H2BW2: variants seen among roughly 807,000 people sequenced by gnomAD.
The protein encoded by H2BW2 is H2B.W histone 2.
H2BW2 carries 8 observed loss-of-function variants against 9.2 expected under a neutral mutation model. The observed-to-expected ratio is 0.87, with a 90% CI of 0.51 to 1.57. The LOEUF is 1.57. H2BW2 is among the 40% of genes most tolerant of loss of function. The pLI is 0.00. For synonymous variants in H2BW2, 80 were observed against 56.8 expected, an observed-to-expected ratio of 1.41 and a Z score of -1.84; for missense variants, 193 against 137.3, an observed-to-expected ratio of 1.41 and a Z score of -2.03.
Position 104,040,871 on chromosome X carries a change from T to A in H2BW2, c.*7T>A. 8.7e-7 allele frequency: 1 copy of A among 1,144,524 alleles called. No homozygotes were observed. The highest frequency in any genetic ancestry group is 1.2e-6 in the Non-Finnish European group (1 of 834,878). 94.3% of individuals were successfully genotyped at this position (1,144,524 alleles called of 1,213,427 possible). A position where few individuals can be genotyped will look rare whatever the true frequency, so the allele number is the denominator to read the frequency against. ...ATGGCAACAGAGAAAGTGAATATGC[T>A]GATACAAGAAGCAAGGTAACCCTCC... On this transcript the variant is annotated 3_prime_UTR_variant, in exon 2 of 4. Transcript: ENST00000675318.
At chrX:104,041,844 A>C (rs1288166832) in intron 3 of H2BW2, 1 of 112,526 alleles carries the variant, frequency 8.9e-6, no homozygotes, top group Non-Finnish European at 1.9e-5. Flanking sequence ...AATGACAAAA[A>C]TCAAAATTTT....
chrX:104,039,983 G>T lies in H2BW2; in HGVS notation c.-12G>T. On this transcript the variant is annotated 5_prime_UTR_variant, in exon 1 of 4. Coordinates refer to ENST00000675318, the MANE Select transcript of H2BW2 (RefSeq NM_001388464.1). ...TCTCTGTTCTTGCTATCTAATGGCC[G>T]CTGCTTCCGCCATGGCTGAGGCTTC... 8.7e-7 allele frequency: 1 copy of T among 1,151,185 alleles called. No individual in the cohort carries two copies. Among genetic ancestry groups the T allele is most frequent in the Non-Finnish European group, 1.2e-6 (1 of 865,897 alleles). 94.9% of individuals were successfully genotyped at this position (1,151,185 alleles called of 1,213,427 possible).
rs1196602776 is a variant in H2BW2 at position 104,039,999 on chromosome X, C to T, written c.5C>T (p.Ala2Val). The T allele has an allele frequency of 3.5e-6, 4 of 1,158,979 alleles. No homozygotes were observed. The highest frequency in any genetic ancestry group is 3.4e-6 in the Non-Finnish European group (3 of 869,770). Residue 2 changes from alanine to valine, a missense_variant, in exon 1 of 4, where the codon GCT (alanine) becomes GTT (valine). Physicochemically the swap from Ala to Val is moderately conservative, Grantham distance 64 (BLOSUM62 0). Coordinates refer to ENST00000675318, the MANE Select transcript of H2BW2 (RefSeq NM_001388464.1). ...CTAATGGCCGCTGCTTCCGCCATGG[C>T]TGAGGCTTCCTCTGAGACAACCTCG... is the stretch of plus-strand genomic sequence containing the variant. M[A>V]EASSETTSEE...
intron 3 of H2BW2, chrX:104,041,780 A>G (rs1248941173): frequency 8.9e-6 from 1 of 112,573 alleles, no homozygotes; most frequent in Non-Finnish European, 1.9e-5. Flanking sequence ...CTTCATATGT[A>G]GAAACCAGTA....
intron 3 of H2BW2, chrX:104,041,607 C>T (rs2075204859): frequency 8.9e-6 from 1 of 111,790 alleles, no homozygotes; most frequent in Admixed American, 9.5e-5. Flanking sequence ...CATTGCTTTC[C>T]TTTTCCATTG....
At position 104,040,271 on chromosome X, in the gene H2BW2, G is replaced by C. The variant is rs781795208; in HGVS notation, c.277G>C (p.Glu93Gln). 4.2e-6 allele frequency: 5 copies of C among 1,196,230 alleles called. No individual in the cohort carries two copies. In the Admixed American group the frequency reaches 1.1e-4, roughly 27 times the overall value. The change falls in exon 1 of 4, where the codon GAG becomes CAG. Residue 93 changes from glutamate (E) to glutamine (Q), a missense_variant. Coordinates refer to ENST00000675318, the MANE Select transcript of H2BW2 (RefSeq NM_001388464.1). ...TGACATATTGGACCGCATCGCCACC[G>C]AGGCTGGTCAGCTGGCCCATTACAC... ...IHDILDRIATEAGQLAHYTKR... is the reference protein window; with the variant it reads ...IHDILDRIATQAGQLAHYTKR...
chrX:104,040,798 C>A, intron 1 of H2BW2, 30 bp from the exon 2 acceptor site: 1 of 654,148 alleles, frequency 1.5e-6, no homozygotes, highest in Non-Finnish European at 2.6e-6. Context: ...CACTCTCATT[C>A]TCCTACGACT....
Position 104,039,993 on chromosome X carries a change from C to G in H2BW2, c.-2C>G. 8.6e-7 allele frequency: 1 copy of G among 1,158,837 alleles called. No individual in the cohort carries two copies. The highest frequency in any genetic ancestry group is 2.0e-5 in the South Asian group (1 of 50,701). On this transcript the variant is annotated 5_prime_UTR_variant, in exon 1 of 4. Coordinates refer to ENST00000675318, the MANE Select transcript of H2BW2 (RefSeq NM_001388464.1). Reference sequence around the variant, plus strand: ...TGCTATCTAATGGCCGCTGCTTCCGCCATGGCTGAGGCTTCCTCTGAGACA... The same window carrying G: ...TGCTATCTAATGGCCGCTGCTTCCGGCATGGCTGAGGCTTCCTCTGAGACA...
At position 104,040,277 on chromosome X, in the gene H2BW2, G is replaced by A. The variant is rs782095838; in HGVS notation, c.283G>A (p.Gly95Ser). The A allele has an allele frequency of 3.3e-5, 40 of 1,194,735 alleles. No individual in the cohort carries two copies. Among genetic ancestry groups the A allele is most frequent in the Non-Finnish European group, 4.2e-5 (37 of 887,513 alleles). ...DILDRIATEA[G>S]QLAHYTKRVT... Reference sequence around the variant, plus strand: ...ATTGGACCGCATCGCCACCGAGGCTGGTCAGCTGGCCCATTACACCAAGCG... The same window carrying A: ...ATTGGACCGCATCGCCACCGAGGCTAGTCAGCTGGCCCATTACACCAAGCG... The change falls in exon 1 of 4, where the codon GGT becomes AGT. Residue 95 changes from glycine to serine, a missense_variant. Transcript: ENST00000675318.
At chrX:104,042,008 G>A (rs1433820258) in intron 3 of H2BW2, 104 bp from the exon 4 acceptor site, 1 of 112,052 alleles carries the variant, frequency 8.9e-6, no homozygotes, top group Non-Finnish European at 1.9e-5. Flanking sequence ...GTGCAGATGG[G>A]AAGAGGGGAA....
At chrX:104,041,221 G>C (rs1201440688) in intron 3 of H2BW2, 115 bp downstream of exon 3, 3 of 193,517 alleles carry the variant, frequency 1.6e-5, no homozygotes, top group African/African-American at 6.0e-5. Flanking sequence ...ACCCAATGTG[G>C]GGGGAGTGAC....
In H2BW2 at chrX:104,040,373, G is replaced by A. The variant is rs1602466933; in HGVS notation, c.379G>A (p.Ala127Thr). Residue 127 changes from alanine (A) to threonine (T), a missense_variant, in exon 1 of 4, where the codon GCC becomes ACC. Ala to Thr is a moderately conservative substitution (Grantham distance 58). Transcript: ENST00000675318. The stretch of plus-strand genomic sequence containing the variant: ...GCTGCCGGGGAAGATGGGCAAGCTC[G>A]CCGAGGCCCAGGGCACGAATGCCGC... ...LLLPGKMGKL[A>T]EAQGTNAALR... 3.4e-6 allele frequency: 4 copies of A among 1,169,481 alleles called. No individual in the cohort carries two copies. In the East Asian group the frequency reaches 9.4e-5, roughly 27 times the overall value.
At position 104,040,145 on chromosome X, in the gene H2BW2, G is replaced by C; in HGVS notation, c.151G>C (p.Gly51Arg). 8.5e-7 allele frequency: 1 copy of C among 1,181,790 alleles called. No individual in the cohort carries two copies. The highest frequency in any genetic ancestry group is 1.8e-5 in the African/African-American group (1 of 56,099). Residue 51 changes from glycine to arginine, a missense_variant, in exon 1 of 4, where the codon GGG (glycine) becomes CGG (arginine). By Grantham distance (125) the Gly-to-Arg change is moderately radical. Transcript: ENST00000675318. ...CGCCAACCGCCGTGGGGACAGCTTC[G>C]GGGACAGCTTCACCCCCTATTTCCC... ...RHANRRGDSF[G>R]DSFTPYFPRV...
At chrX:104,040,637 T>C (rs1433678390) in intron 1 of H2BW2, among the ~76,000 whole-genome samples, 191 bp from the exon 2 acceptor site, 4 of 112,394 alleles carry the variant, frequency 3.6e-5, no homozygotes, top group African/African-American at 1.3e-4. Context: ...AACTCCAATA[T>C]ATCTGTAGTG....
At position 104,042,273 on chromosome X, in the gene H2BW2, C is replaced by G. The variant is rs1556344811; in HGVS notation, c.*203C>G. The G allele has an allele frequency of 8.9e-6, 1 of 112,274 alleles. No homozygotes were observed. The highest frequency in any genetic ancestry group is 3.2e-5 in the African/African-American group (1 of 30,851). The allele number at this position is 112,274 out of a possible 1,213,427, so 9.3% of individuals were successfully genotyped here. ...AATGTTCCTACAAGTCCGGAACAAC[C>G]CTTGCCAAACCAAAGACCCTTGCCA... is the stretch of plus-strand genomic sequence containing the variant. On this transcript the variant is annotated 3_prime_UTR_variant, in exon 4 of 4. Coordinates refer to ENST00000675318, the MANE Select transcript of H2BW2 (RefSeq NM_001388464.1).
Position 104,040,111 on chromosome X carries a change from C to T in H2BW2, c.117C>T (p.Arg39=), listed in dbSNP as rs782479838. ...KQKRRGCRGS[R]RRHANRRGDS... ...AGAGGCGAGGGTGCCGAGGCTCCCGCAGGCGCCACGCCAACCGCCGTGGGG... is the reference window on the plus strand; with the variant it reads ...AGAGGCGAGGGTGCCGAGGCTCCCGTAGGCGCCACGCCAACCGCCGTGGGG... The change falls in exon 1 of 4, where the codon CGC becomes CGT. Residue 39 remains arginine (R), a synonymous_variant. Transcript: ENST00000675318. The T allele has an allele frequency of 1.9e-4, 227 of 1,167,631 alleles. No homozygotes were observed. The highest frequency in any genetic ancestry group is 2.5e-4 in the Non-Finnish European group (218 of 873,990).
chrX:104,040,589 G>T (rs782618493), intron 1 of H2BW2, among the ~76,000 whole-genome samples, 185 bp downstream of exon 1: 1 of 112,601 alleles, frequency 8.9e-6, no homozygotes, highest in African/African-American at 3.2e-5. Flanking sequence ...GCCTCCTGCG[G>T]TTTTTCAAGC....
intron 3 of H2BW2, chrX:104,041,532 T>C (rs1556344427): frequency 8.9e-6 from 1 of 112,103 alleles, no homozygotes; most frequent in Non-Finnish European, 1.9e-5. Context: ...GTCCCAAGTC[T>C]TGGCATTTTA....
rs782351944 is a variant in H2BW2, at chrX:104,040,185, A to G, written c.191A>G (p.Gln64Arg). Residue 64 changes from glutamine (Q) to arginine (R), a missense_variant, in exon 1 of 4, where the codon CAG becomes CGG. Coordinates refer to ENST00000675318, the MANE Select transcript of H2BW2 (RefSeq NM_001388464.1). ...FTPYFPRVLK[Q>R]VHQGLSLSQE... ...CCCTATTTCCCCCGGGTGCTGAAGC[A>G]GGTTCACCAGGGCCTCAGCCTTTCC... 8.4e-7 allele frequency: 1 copy of G among 1,190,687 alleles called. No homozygotes were observed. The highest frequency in any genetic ancestry group is 1.1e-6 in the Non-Finnish European group (1 of 884,485).
Sources: allele counts gnomAD v4.1 joint callset (sites outside exome capture counted in the v4.1 genomes callset), GRCh38; gene constraint gnomAD v4.1.1; transcripts MANE v1.5; gene names NCBI Gene and HGNC (gene_info 2026-07-23, HGNC 2026-07-21).